STK32C: variants seen among roughly 807,000 people sequenced by gnomAD.
STK32C encodes serine/threonine-protein kinase 32C.
A neutral mutation model predicts 56.5 loss-of-function variants in STK32C; 31 were observed. The observed-to-expected ratio is 0.55, with a 90% confidence interval of 0.41 to 0.74. STK32C has a LOEUF of 0.74. Among genes scored for constraint, STK32C ranks in the 30% least tolerant of loss-of-function variants. The pLI, the probability that STK32C is intolerant of heterozygous loss-of-function variation, is 0.00. For synonymous variants in STK32C, 309 were observed against 289.4 expected (o/e 1.07, Z -0.69); for missense variants, 544 against 676.9 (o/e 0.80, Z 2.18).
upstream of STK32C, among the ~76,000 whole-genome samples, chr10:132,309,584 G>A (rs2066181896): frequency 6.6e-6 from 1 of 152,204 alleles, no homozygotes; most frequent in African/African-American, 2.4e-5. Context: ...GCGAAGCTCT[G>A]TTCCCTGCTC....
At chr10:132,284,008 C>T (rs1422554246) in intron 1 of STK32C, among the ~76,000 whole-genome samples, 1 of 152,090 alleles carries the variant, frequency 6.6e-6, no homozygotes, top group East Asian at 1.9e-4. Context: ...CGGAATGTGC[C>T]CTTCTCTGTC....
intron 1 of STK32C, among the ~76,000 whole-genome samples, chr10:132,283,164 C>A (rs1008939339): frequency 2.0e-5 from 3 of 152,246 alleles, no homozygotes; most frequent in African/African-American, 7.2e-5. Flanking sequence ...CGGCCGAGGC[C>A]CCAGGCCCCA....
chr10:132,330,422 T>G, intron 1 of STK32C: 3 of 717,194 alleles, frequency 4.2e-6, no homozygotes, highest in African/African-American at 1.7e-5. Context: ...ATTCTCTCCT[T>G]GCTCTGCCCG....
rs72856751 is a variant in STK32C at position 132,255,661 on chromosome 10, C to T, written c.263-9706G>A. Among the ~76,000 whole-genome samples, 5,874 of 152,256 alleles carry T rather than the reference C, an allele frequency of 0.039. 303 individuals are homozygous for T. The highest frequency in any genetic ancestry group is 0.11 in the African/African-American group (4,369 of 41,538). On this transcript the variant is annotated intron_variant, in intron 1 of 11. Transcript: ENST00000298630. The surrounding 1 kb of genome is among the most constrained non-coding windows in gnomAD (Gnocchi z 4.6). ...GTCCCTCAACCCTTGCTGAGCCCCA[C>T]GCGGTTTCCTGCACCACTGAGGATG...
chr10:132,320,190 G>C (rs1337552120), downstream of STK32C, among the ~76,000 whole-genome samples: 1 of 152,162 alleles, frequency 6.6e-6, no homozygotes, highest in African/African-American at 2.4e-5. Flanking sequence ...GGAGGGGGCA[G>C]GTAGGGGATG....
chr10:132,225,501 C>A (rs775819142), intron 6 of STK32C, 26 bp downstream of exon 6: 15 of 1,613,422 alleles, frequency 9.3e-6, no homozygotes, highest in Non-Finnish European at 1.7e-6. Flanking sequence ...AGCCAGCTCC[C>A]ATCTGGAACC....
chr10:132,284,813 C>CACCT (rs2065344351), intron 1 of STK32C, among the ~76,000 whole-genome samples: 1 of 147,090 alleles, frequency 6.8e-6, no homozygotes, highest in African/African-American at 2.6e-5. Flanking sequence ...CACATTCCCA[C>CACCT]GTCTGCCCAA....
At chr10:132,262,571 G>A (rs1032580913) in intron 1 of STK32C, among the ~76,000 whole-genome samples, 1 of 151,940 alleles carries the variant, frequency 6.6e-6, no homozygotes, top group Non-Finnish European at 1.5e-5. Context: ...AATCTACAAG[G>A]AACTTAAACA....
At chr10:132,291,217 C>T (rs2065554144) in intron 1 of STK32C, among the ~76,000 whole-genome samples, 1 of 152,206 alleles carries the variant, frequency 6.6e-6, no homozygotes, top group Admixed American at 6.5e-5. Context: ...ATTGCCGTTT[C>T]TTAATTAAAG....
In STK32C at chr10:132,208,056, G is replaced by A. The variant is rs887993801; in HGVS notation, c.1415C>T (p.Ala472Val). Residue 472 changes from alanine to valine, a missense_variant, in exon 12 of 12, where the codon GCC becomes GTC. Transcript: ENST00000298630. ...GCAAATGGGGCCGCACATGGGCAGGGCGGAGCGTTCCGCCTCGTCCTCCAC... is the reference window on the plus strand; with the variant it reads ...GCAAATGGGGCCGCACATGGGCAGGACGGAGCGTTCCGCCTCGTCCTCCAC... ...EPVEDEAERSALPMCGPICPS... is the reference protein window; with the variant it reads ...EPVEDEAERSVLPMCGPICPS... 3 of 1,310,870 alleles carry A rather than the reference G, an allele frequency of 2.3e-6. No homozygotes were observed. Among genetic ancestry groups the A allele is most frequent in the Middle Eastern group, 2.2e-4 (1 of 4,532 alleles). 81.2% of individuals were successfully genotyped at this position (1,310,870 alleles called of 1,614,324 possible). A position where few individuals can be genotyped will look rare whatever the true frequency, so the allele number is the denominator to read the frequency against.
intron 1 of STK32C, among the ~76,000 whole-genome samples, chr10:132,291,043 C>T (rs2065548237): frequency 6.6e-6 from 1 of 152,244 alleles, no homozygotes; most frequent in South Asian, 2.1e-4. Context: ...TAACAGCCCT[C>T]ATGGCTGTGG....
At chr10:132,277,661 C>T (rs1300653197) in intron 1 of STK32C, among the ~76,000 whole-genome samples, 1 of 152,204 alleles carries the variant, frequency 6.6e-6, no homozygotes, top group African/African-American at 2.4e-5. Flanking sequence ...CAGGCAACAT[C>T]CCAGGCCTGC....
intron 1 of STK32C, among the ~76,000 whole-genome samples, chr10:132,292,082 T>C (rs2065583451): frequency 6.6e-6 from 1 of 152,172 alleles, no homozygotes; most frequent in Non-Finnish European, 1.5e-5. Flanking sequence ...CTCCCAGGAC[T>C]GGCCTCAGAC....
chr10:132,271,536 G>T (rs532162088), intron 1 of STK32C, among the ~76,000 whole-genome samples: 2 of 152,298 alleles, frequency 1.3e-5, no homozygotes, highest in East Asian at 3.9e-4. Flanking sequence ...GTCCATTGTG[G>T]CCAAATCTGA....
rs556614254 is a variant in STK32C, at chr10:132,256,222, G to A, written c.263-10267C>T. Reference sequence around the variant, plus strand: ...GGGGCCCCTGGGCTCCGAAACAATTGTGGCTTCTCCTGCCCAGGTACACAC... The same window carrying A: ...GGGGCCCCTGGGCTCCGAAACAATTATGGCTTCTCCTGCCCAGGTACACAC... On this transcript the variant is annotated intron_variant, in intron 1 of 11. Transcript: ENST00000298630. Among the ~76,000 whole-genome samples the A allele has an allele frequency of 9.2e-5, 14 of 152,222 alleles. No individual in the cohort carries two copies. The East Asian group carries it at 1.2e-3, about 13-fold the overall frequency.
At chr10:132,230,370 A>C (rs1481624980) in intron 2 of STK32C, among the ~76,000 whole-genome samples, 1 of 152,200 alleles carries the variant, frequency 6.6e-6, no homozygotes, top group African/African-American at 2.4e-5. Context: ...ACACGGCCGC[A>C]GGAGGCCGAG....
chr10:132,330,474 G>A (rs1308440326), intron 1 of STK32C: 1 of 717,090 alleles, frequency 1.4e-6, no homozygotes, highest in Non-Finnish European at 2.6e-6. Flanking sequence ...TACTGGTTGT[G>A]CTTTCAGCTT....
intron 1 of STK32C, among the ~76,000 whole-genome samples, chr10:132,281,178 G>GAC (rs10556901): frequency 0.15 from 22,153 of 149,286 alleles, 1,957 homozygotes; most frequent in East Asian, 0.46. Flanking sequence ...GATCCTCGTG[G>GAC]ACACACACAC....
downstream of STK32C, among the ~76,000 whole-genome samples, chr10:132,322,091 C>T (rs2066421443): frequency 6.6e-6 from 1 of 152,136 alleles, no homozygotes; most frequent in Non-Finnish European, 1.5e-5. Flanking sequence ...TTGCTGGTGC[C>T]AGTTGAGTGA....
Sources: allele counts gnomAD v4.1 joint callset (sites outside exome capture counted in the v4.1 genomes callset), GRCh38; gene constraint gnomAD v4.1.1; non-coding constraint Gnocchi (gnomAD v3.1); transcripts MANE v1.5; gene names NCBI Gene and HGNC (gene_info 2026-07-23, HGNC 2026-07-21).